Variants in ERICH1 observed in about 807,000 individuals in gnomAD.
ERICH1 encodes the protein glutamate rich 1, also known as glutamate-rich protein 1.
ERICH1 carries 56 observed loss-of-function variants against 39.6 expected under a neutral mutation model. That is an observed-to-expected ratio of 1.41 (90% CI 1.14 to 1.77). ERICH1 has a LOEUF of 1.77. Among genes scored for constraint, ERICH1 ranks in the 40% most tolerant of loss-of-function variants. ERICH1 has a pLI of 0.00. For synonymous variants in ERICH1, 313 were observed against 223.6 expected, an observed-to-expected ratio of 1.40 and a Z score of -3.57; for missense variants, 826 against 575.4, an observed-to-expected ratio of 1.44 and a Z score of -4.45.
At chr8:625,384 G>C (rs1251407304) in intron 3 of ERICH1, among the ~76,000 whole-genome samples, 2 of 152,188 alleles carry the variant, frequency 1.3e-5, no homozygotes, top group African/African-American at 4.8e-5. Flanking sequence ...AGGCCAGGTA[G>C]TGTCGTGCCT....
Position 673,389 on chromosome 8 carries a change from GTCC to G in ERICH1, c.960_962del (p.Glu320del). On this transcript the variant is annotated inframe_deletion, in exon 4 of 6. Transcript: ENST00000262109. ...CATCTTCCTCGCTGGCGTCTGCACC[GTCC>G]TCCTCCCCGGAGTCTGCACCCTCTT... 6.2e-7 allele frequency: 1 copy of G among 1,613,224 alleles called. No individual in the cohort carries two copies. Among genetic ancestry groups the G allele is most frequent in the South Asian group, 1.1e-5 (1 of 91,016 alleles).
intron 1 of ERICH1, among the ~76,000 whole-genome samples, chr8:726,945 C>A (rs549399242): frequency 4.7e-5 from 7 of 149,238 alleles, no homozygotes; most frequent in African/African-American, 1.5e-4. Flanking sequence ...CATACATACA[C>A]CACACAGGCA....
intron 3 of ERICH1, among the ~76,000 whole-genome samples, chr8:676,874 G>C (rs1011025287): frequency 2.0e-5 from 3 of 152,360 alleles, no homozygotes; most frequent in African/African-American, 7.2e-5. Flanking sequence ...ATCACAGATT[G>C]TGAAGAATCA....
chr8:659,938 C>T (rs1563198999), downstream of ERICH1, among the ~76,000 whole-genome samples: 2 of 152,170 alleles, frequency 1.3e-5, no homozygotes, highest in Admixed American at 6.5e-5. Context: ...CCTGTCTGTC[C>T]GTCTCCCTTC....
At chr8:703,607 G>T (rs576550764) in intron 2 of ERICH1, among the ~76,000 whole-genome samples, 1 of 152,342 alleles carries the variant, frequency 6.6e-6, no homozygotes, top group South Asian at 2.1e-4. Flanking sequence ...TAAACAGGGA[G>T]GGAGAGCCTG....
At chr8:668,408 T>C in intron 5 of ERICH1, 190 bp downstream of exon 5, 1 of 627,172 alleles carries the variant, frequency 1.6e-6, no homozygotes, top group Non-Finnish European at 2.8e-6. Flanking sequence ...GCATATATTA[T>C]GTGAAATATT....
intron 3 of ERICH1, among the ~76,000 whole-genome samples, chr8:619,118 G>A (rs956046349): frequency 4.6e-5 from 7 of 151,968 alleles, no homozygotes; most frequent in South Asian, 2.1e-4. Flanking sequence ...CTACAGATGT[G>A]GAAAAGAAAA....
intron 3 of ERICH1, among the ~76,000 whole-genome samples, chr8:644,957 C>T (rs1160489643): frequency 2.9e-5 from 2 of 69,184 alleles, no homozygotes; most frequent in Admixed American, 1.2e-4. Flanking sequence ...GCAGGAGCTA[C>T]GGGGCCCAGG....
chr8:642,426 G>C (rs1207368312), intron 3 of ERICH1, among the ~76,000 whole-genome samples: 8 of 135,702 alleles, frequency 5.9e-5, no homozygotes, highest in African/African-American at 2.2e-4. Context: ...CTCACTGCAA[G>C]CTCCTCCTCC....
chr8:731,170 C>A lies in ERICH1; in HGVS notation c.-9G>T. 6.6e-7 allele frequency: 1 copy of A among 1,506,714 alleles called. No individual in the cohort carries two copies. Among genetic ancestry groups the A allele is most frequent in the Non-Finnish European group, 8.9e-7 (1 of 1,129,888 alleles). 93.3% of individuals were successfully genotyped at this position (1,506,714 alleles called of 1,614,324 possible). On this transcript the variant is annotated 5_prime_UTR_variant, in exon 1 of 6. It adds an upstream start codon to the 5' untranslated region. Coordinates refer to ENST00000262109, the MANE Select transcript of ERICH1 (RefSeq NM_207332.3). ...TTCCTGTGCGCCGCCATGCGGGACC[C>A]TGCCGCGGACCTCAGACCACGGCGC...
chr8:681,532 G>C (rs2131956083), intron 3 of ERICH1, among the ~76,000 whole-genome samples: 1 of 152,298 alleles, frequency 6.6e-6, no homozygotes, highest in African/African-American at 2.4e-5. Flanking sequence ...AGAACTTGAA[G>C]GAACAAAACG....
chr8:621,697 G>C (rs1797291929), intron 3 of ERICH1, among the ~76,000 whole-genome samples: 1 of 151,908 alleles, frequency 6.6e-6, no homozygotes, highest in African/African-American at 2.4e-5. Flanking sequence ...CAATCCTTTA[G>C]AAAGACTACG....
chr8:662,529 T>G (rs1801577647), downstream of ERICH1, among the ~76,000 whole-genome samples: 1 of 152,078 alleles, frequency 6.6e-6, no homozygotes, highest in African/African-American at 2.4e-5. Context: ...ATGCCTGTAA[T>G]CCCAGCTACT....
Position 644,172 on chromosome 8 carries a change from T to C in ERICH1, c.976+24426A>G, listed in dbSNP as rs575542204. Among the ~76,000 whole-genome samples, 168 of 152,220 alleles carry C rather than the reference T, an allele frequency of 1.1e-3. 1 individual carries two copies. Among genetic ancestry groups the C allele is most frequent in the Admixed American group, 1.9e-3 (29 of 15,292 alleles). ...CCTCCTGGCCCCGTCCTAAGGCAAG[T>C]GCCTGGCCTCCTGGCCCCATCCTAA... is the stretch of plus-strand genomic sequence containing the variant. On this transcript the variant is annotated intron_variant, in intron 3 of 3. Coordinates refer to the ERICH1 transcript ENST00000522706.
At chr8:646,657 GC>G (rs1799497575) in intron 3 of ERICH1, among the ~76,000 whole-genome samples, 1 of 68,844 alleles carries the variant, frequency 1.5e-5, no homozygotes, top group East Asian at 3.0e-4. Context: ...ACAAGCCGCA[GC>G]CCCACTCTGA....
intron 2 of ERICH1, among the ~76,000 whole-genome samples, chr8:697,176 G>T (rs76698806): frequency 1.3e-5 from 2 of 152,082 alleles, no homozygotes; most frequent in Admixed American, 6.6e-5. Context: ...GCGAACTCTC[G>T]TGGCCTCTTG....
At chr8:615,014 T>C (rs553208989) in exon 4 of ERICH1, 59 of 433,572 alleles carry the variant, frequency 1.4e-4, no homozygotes, top group African/African-American at 9.7e-4. Flanking sequence ...CACTGCCTCA[T>C]TCAAGCCACC....
intron 1 of ERICH1, among the ~76,000 whole-genome samples, chr8:718,292 G>C (rs1816500495): frequency 6.6e-6 from 1 of 152,184 alleles, no homozygotes; most frequent in African/African-American, 2.4e-5. Flanking sequence ...AGCGCACTGA[G>C]TCTGGCCCCA....
chr8:694,616 C>T (rs929703363), intron 2 of ERICH1, among the ~76,000 whole-genome samples: 6 of 152,190 alleles, frequency 3.9e-5, no homozygotes, highest in Non-Finnish European at 5.9e-5. Context: ...GCACCTCCTG[C>T]GACAGTCACA....
Sources: gnomAD v4.1 joint callset for allele counts (sites outside exome capture counted in the v4.1 genomes callset) on GRCh38, gnomAD v4.1.1 for gene constraint, MANE v1.5 for transcripts, NCBI Gene and HGNC (gene_info 2026-07-23, HGNC 2026-07-21) for gene names.